SLC8A1: variants seen among roughly 807,000 people sequenced by gnomAD.
The protein encoded by SLC8A1 is solute carrier family 8 member A1.
Under a neutral mutation model 68.3 loss-of-function variants are expected in SLC8A1, and 18 were observed. The observed-to-expected ratio is 0.26, with a 90% CI of 0.18 to 0.39. The LOEUF (loss-of-function observed/expected upper bound fraction) is 0.39, where lower values mean the gene tolerates loss of function less well. Ranked by LOEUF, SLC8A1 falls within the 10% of genes least tolerant of loss-of-function variation. The probability of loss-of-function intolerance (pLI) is 1.00; values close to 1 mark genes in which losing one functional copy is unlikely to be tolerated. For synonymous variants in SLC8A1, 475 were observed against 415.5 expected, an observed-to-expected ratio of 1.14 and a Z score of -1.74; for missense variants, 985 against 1,156.7, an observed-to-expected ratio of 0.85 and a Z score of 2.15.
chr2:40,252,470 T>A (rs1365168976), intron 2 of SLC8A1, among the ~76,000 whole-genome samples: 2 of 152,120 alleles, frequency 1.3e-5, no homozygotes, highest in African/African-American at 2.4e-5. Flanking sequence ...GTAACTGGGA[T>A]GACAGGCGCC....
chr2:40,165,716 A>G (rs2046434989), intron 4 of SLC8A1, among the ~76,000 whole-genome samples: 2 of 152,166 alleles, frequency 1.3e-5, no homozygotes, highest in South Asian at 4.2e-4. Context: ...AATTATTTCC[A>G]GAACTACCAT....
At position 40,386,320 on chromosome 2, in the gene SLC8A1, A is replaced by T. The variant is rs4452200; in HGVS notation, c.1808+42153T>A. Among the ~76,000 whole-genome samples, 11 of 150,050 alleles carry T rather than the reference A, an allele frequency of 7.3e-5. No individual in the cohort carries two copies. The South Asian group carries it at 2.3e-3, about 31-fold the overall frequency. On this transcript the variant is annotated intron_variant, in intron 2 of 7. Coordinates refer to ENST00000406785, the Ensembl canonical transcript of SLC8A1. ...GAGTCTATTTTACTTTCAAATGGTA[A>T]ATGTGTGTGTGTATATAACAGAGCA...
At position 40,511,348 on chromosome 2, in the gene SLC8A1, C is replaced by G. The variant is rs1287909623; in HGVS notation, c.-25+1001G>C. 1.3e-5 allele frequency among the ~76,000 whole-genome samples: 2 copies of G among 152,010 alleles called. 1 individual carries two copies. Among genetic ancestry groups the G allele is most frequent in the South Asian group, 4.1e-4 (2 of 4,828 alleles). ...AAAGATATGACCTATAATTTTTTCT[C>G]TTGACTTTTGTGTTTGGCAGGAGTT... On this transcript the variant is annotated intron_variant, in intron 1 of 7. Transcript: ENST00000402441.
At chr2:40,219,922 T>C (rs1398299718) in intron 2 of SLC8A1, among the ~76,000 whole-genome samples, 7 of 24,680 alleles carry the variant, frequency 2.8e-4, no homozygotes, top group Admixed American at 1.2e-3. Flanking sequence ...AATACATCTT[T>C]CTGTCAAAAT....
chr2:40,275,473 G>A (rs1199412821), intron 2 of SLC8A1, among the ~76,000 whole-genome samples: 1 of 152,210 alleles, frequency 6.6e-6, no homozygotes, highest in East Asian at 1.9e-4. Flanking sequence ...ATCTCCAAAA[G>A]CAAAGAGCAA....
intron 2 of SLC8A1, among the ~76,000 whole-genome samples, chr2:40,413,454 G>A (rs1176709050): frequency 1.3e-5 from 2 of 152,122 alleles, no homozygotes; most frequent in African/African-American, 4.8e-5. Context: ...TCCTTTGTAG[G>A]GACATGGATG....
intron 2 of SLC8A1, among the ~76,000 whole-genome samples, chr2:40,423,956 GA>G (rs1344564407): frequency 6.6e-6 from 1 of 151,930 alleles, no homozygotes; most frequent in South Asian, 2.1e-4. Flanking sequence ...CACTAAAGCA[GA>G]AATCCATTCA....
intron 2 of SLC8A1, among the ~76,000 whole-genome samples, chr2:40,330,500 A>G (rs2076300530): frequency 1.3e-5 from 2 of 152,202 alleles, no homozygotes; most frequent in Admixed American, 6.5e-5. Flanking sequence ...TGGAAATACA[A>G]GAGTAGTATT....
intron 2 of SLC8A1, among the ~76,000 whole-genome samples, chr2:40,221,698 G>T (rs2058351808): frequency 6.6e-6 from 1 of 152,154 alleles, no homozygotes; most frequent in East Asian, 1.9e-4. Flanking sequence ...AAATCAATGT[G>T]CAAAAATCAC....
In SLC8A1 at chr2:40,441,448, C is replaced by T. The variant is rs200167820; in HGVS notation, c.-25+10456G>A. 6.6e-5 allele frequency among the ~76,000 whole-genome samples: 10 copies of T among 150,976 alleles called. No individual in the cohort carries two copies. The East Asian group carries it at 1.9e-3, about 29-fold the overall frequency. On this transcript the variant is annotated intron_variant, in intron 1 of 7. Transcript: ENST00000406785. The stretch of plus-strand genomic sequence containing the variant: ...ATATCGAACAAAAAAAGAGCCTGTA[C>T]AGCCAAGACAATCCTAAGCAAAAAG...
At chr2:40,288,661 A>C (rs2068730659) in intron 2 of SLC8A1, among the ~76,000 whole-genome samples, 1 of 151,968 alleles carries the variant, frequency 6.6e-6, no homozygotes, top group South Asian at 2.1e-4. Flanking sequence ...AATCATCCGC[A>C]TAGTATTTAC....
At chr2:40,497,843 T>C (rs1376780093) in intron 1 of SLC8A1, among the ~76,000 whole-genome samples, 1 of 152,094 alleles carries the variant, frequency 6.6e-6, no homozygotes, top group Non-Finnish European at 1.5e-5. Context: ...GATTTTTACC[T>C]GTGGGTGTGC....
In SLC8A1 at chr2:40,509,884, C is replaced by T. The variant is rs565691616; in HGVS notation, c.-25+2465G>A. On this transcript the variant is annotated intron_variant, in intron 1 of 7. Coordinates refer to the SLC8A1 transcript ENST00000402441. Reference sequence around the variant, plus strand: ...GGAGTGCAGTGGCATGATCTCGGCTCAAAGCAATCTCTGCCTCCCAGCAAT... The same window carrying T: ...GGAGTGCAGTGGCATGATCTCGGCTTAAAGCAATCTCTGCCTCCCAGCAAT... Among the ~76,000 whole-genome samples the T allele has an allele frequency of 2.0e-5, 3 of 152,004 alleles. No homozygotes were observed. In the South Asian group the frequency reaches 6.2e-4, roughly 32 times the overall value.
intron 2 of SLC8A1, among the ~76,000 whole-genome samples, chr2:40,312,343 A>C (rs980643366): frequency 6.6e-6 from 1 of 152,130 alleles, no homozygotes; most frequent in East Asian, 1.9e-4. Flanking sequence ...GTGATGCGCA[A>C]CTGTGAGGGG....
At chr2:40,343,220 A>C (rs1212180882) in intron 2 of SLC8A1, among the ~76,000 whole-genome samples, 3 of 152,178 alleles carry the variant, frequency 2.0e-5, no homozygotes, top group Non-Finnish European at 4.4e-5. Flanking sequence ...TACCTCTTTT[A>C]AACTCTGTTT....
intron 5 of SLC8A1, 95 bp downstream of exon 8, chr2:40,164,759 T>A (rs923928503): frequency 1.5e-5 from 23 of 1,488,088 alleles, no homozygotes; most frequent in Non-Finnish European, 1.7e-5. Flanking sequence ...CATCTACTAC[T>A]CTTTCCAGGT....
chr2:40,420,237 A>G (rs1695108220), intron 2 of SLC8A1, among the ~76,000 whole-genome samples: 1 of 152,144 alleles, frequency 6.6e-6, no homozygotes, highest in South Asian at 2.1e-4. Flanking sequence ...AATAATTCTT[A>G]CTATTAACCA....
intron 1 of SLC8A1, among the ~76,000 whole-genome samples, chr2:40,491,165 T>G (rs564560995): frequency 6.6e-6 from 1 of 152,182 alleles, no homozygotes; most frequent in East Asian, 1.9e-4. Flanking sequence ...TCAAAGAAGC[T>G]TAGGTTTGTA....
intron 2 of SLC8A1, among the ~76,000 whole-genome samples, chr2:40,404,675 A>G (rs1189480418): frequency 6.6e-6 from 1 of 152,136 alleles, no homozygotes; most frequent in Non-Finnish European, 1.5e-5. Context: ...TCGCATTTTC[A>G]TGATCTGAAA....
Sources: allele counts gnomAD v4.1 joint callset (sites outside exome capture counted in the v4.1 genomes callset), GRCh38; gene constraint gnomAD v4.1.1; transcripts MANE v1.5; gene names NCBI Gene and HGNC (gene_info 2026-07-23, HGNC 2026-07-21).